PALMD: variants seen among roughly 807,000 people sequenced by gnomAD.
PALMD encodes the protein palmdelphin.
PALMD carries 42 observed loss-of-function variants against 56.2 expected under a neutral mutation model. The observed-to-expected ratio is 0.75, with a 90% CI of 0.58 to 0.97. PALMD has a LOEUF of 0.97. Among genes scored for constraint, PALMD ranks in the 50% least tolerant of loss-of-function variants. The probability of loss-of-function intolerance (pLI) is 0.00; values close to 1 mark genes in which losing one functional copy is unlikely to be tolerated. For synonymous variants in PALMD, 242 were observed against 222.9 expected (o/e 1.09, Z -0.76); for missense variants, 660 against 643.8 (o/e 1.03, Z -0.27).
At chr1:99,658,945 CAAAAA>C (rs762864867) in intron 1 of PALMD, among the ~76,000 whole-genome samples, 1 of 110,082 alleles carries the variant, frequency 9.1e-6, no homozygotes, top group African/African-American at 3.3e-5. Flanking sequence ...GACGCTGTCT[CAAAAA>C]AAAAAAAAAG....
In PALMD at chr1:99,687,294, G is replaced by A. The variant is rs1039284651; in HGVS notation, c.514+105G>A. Reference sequence around the variant, plus strand: ...ATATTATTCTTCCAGGTTAAGCAATGGTTCACTTTACAAAGTTCTGTGAGT... The same window carrying A: ...ATATTATTCTTCCAGGTTAAGCAATAGTTCACTTTACAAAGTTCTGTGAGT... On this transcript the variant is annotated intron_variant, in intron 6 of 7. Transcript: ENST00000263174. 1.8e-5 allele frequency: 23 copies of A among 1,278,422 alleles called. No homozygotes were observed. In the East Asian group the frequency reaches 3.5e-4, roughly 20 times the overall value. 79.2% of individuals were successfully genotyped at this position (1,278,422 alleles called of 1,614,324 possible).
At position 99,689,817 on chromosome 1, in the gene PALMD, T is replaced by C. The variant is rs1462824860; in HGVS notation, c.1557T>C (p.His519=). Reference sequence around the variant, plus strand: ...AAAGCTTAGGCAGCCCTGTCCACCATTCCCCATTTGATGCTCAGACAACTG... The same window carrying C: ...AAAGCTTAGGCAGCCCTGTCCACCACTCCCCATTTGATGCTCAGACAACTG... The part of the protein sequence containing the change: ...QEESLGSPVH[H]SPFDAQTTGD... The change falls in exon 7 of 8, where the codon CAT becomes CAC. Residue 519 remains histidine, a synonymous_variant. Transcript: ENST00000263174. 2 of 1,612,992 alleles carry C rather than the reference T, an allele frequency of 1.2e-6. No individual in the cohort carries two copies. Among genetic ancestry groups the C allele is most frequent in the Non-Finnish European group, 1.7e-6 (2 of 1,179,646 alleles).
At chr1:99,672,339 C>T (rs2100864940) in intron 3 of PALMD, among the ~76,000 whole-genome samples, 1 of 152,280 alleles carries the variant, frequency 6.6e-6, no homozygotes, top group African/African-American at 2.4e-5. Context: ...AATCACTTTG[C>T]TTAAATAGAG....
At chr1:99,652,477 G>A (rs1273308052) in intron 1 of PALMD, among the ~76,000 whole-genome samples, 2 of 152,018 alleles carry the variant, frequency 1.3e-5, no homozygotes, top group South Asian at 2.1e-4. Context: ...GGTGGTCTGC[G>A]CCTGTAATCC....
intron 6 of PALMD, among the ~76,000 whole-genome samples, chr1:99,688,023 T>C (rs1239502855): frequency 2.0e-5 from 3 of 152,172 alleles, no homozygotes; most frequent in African/African-American, 7.2e-5. Context: ...CTATTGAAAT[T>C]CCAGCCATAG....
At chr1:99,681,156 T>TAGAGAGAG (rs1399667607) in intron 3 of PALMD, among the ~76,000 whole-genome samples, 4 of 151,492 alleles carry the variant, frequency 2.6e-5, no homozygotes, top group African/African-American at 9.7e-5. Flanking sequence ...TATATATGTA[T>TAGAGAGAG]AGAGCCCGGA....
Position 99,683,059 on chromosome 1 carries a change from AGAG to A in PALMD, c.252-3616_252-3614del, listed in dbSNP as rs1557673814. Among the ~76,000 whole-genome samples the A allele has an allele frequency of 6.2e-4, 10 of 16,226 alleles. 1 individual carries two copies. Among genetic ancestry groups the A allele is most frequent in the African/African-American group, 1.7e-3 (3 of 1,782 alleles). 10.6% of individuals were successfully genotyped at this position (16,226 alleles called of 152,430 possible). On this transcript the variant is annotated intron_variant, in intron 3 of 7. Transcript: ENST00000263174. ...AAGAAAGAAAGAAAGAAAGAAAGAG[AGAG>A]AGAGAGAGAGAGAGAGAGAGAGAGA...
At chr1:99,649,642 G>A (rs750368001) in intron 1 of PALMD, among the ~76,000 whole-genome samples, 4 of 152,102 alleles carry the variant, frequency 2.6e-5, no homozygotes, top group African/African-American at 7.2e-5. Flanking sequence ...GTAACATTCC[G>A]TATACTCTTA....
chr1:99,689,093 C>A lies in PALMD; in HGVS notation c.833C>A (p.Thr278Asn), dbSNP rs745861118. The A allele has an allele frequency of 8.7e-6, 14 of 1,613,254 alleles. No homozygotes were observed. In the East Asian group the frequency reaches 2.2e-4, roughly 26 times the overall value. The change falls in exon 7 of 8, where the codon ACC (threonine) becomes AAC (asparagine). Residue 278 changes from threonine to asparagine, a missense_variant. Thr to Asn is a moderately conservative substitution (Grantham distance 65). Transcript: ENST00000263174. Reference protein sequence around the residue: ...RPTTPQRETVTPGPNFQERIK... With the variant: ...RPTTPQRETVNPGPNFQERIK... ...ACAACCCCACAGAGAGAAACGGTGACCCCTGGACCAAACTTTCAAGAAAGG... is the reference window on the plus strand; with the variant it reads ...ACAACCCCACAGAGAGAAACGGTGAACCCTGGACCAAACTTTCAAGAAAGG...
chr1:99,693,686 G>A (rs113755279), intron 7 of PALMD, among the ~76,000 whole-genome samples: 2 of 152,156 alleles, frequency 1.3e-5, no homozygotes, highest in African/African-American at 2.4e-5. Flanking sequence ...AGAAATGTAT[G>A]TAAAACAGTC....
chr1:99,690,305 A>G (rs1398809496), intron 7 of PALMD, among the ~76,000 whole-genome samples: 1 of 152,106 alleles, frequency 6.6e-6, no homozygotes, highest in Non-Finnish European at 1.5e-5. Context: ...TACAAGAAAC[A>G]AATTTTATTT....
chr1:99,646,428 T>C, intron 1 of PALMD, 66 bp downstream of exon 1: 2 of 1,275,630 alleles, frequency 1.6e-6, no homozygotes, highest in African/African-American at 2.9e-5. Flanking sequence ...CGTGGCCGGC[T>C]GCCCCTGTCG....
chr1:99,683,142 GA>G, intron 3 of PALMD: 1 of 123,556 alleles, frequency 8.1e-6, no homozygotes, highest in South Asian at 2.5e-4. Flanking sequence ...AAGAAAGAAA[GA>G]AAGAAAGAAA....
At chr1:99,670,291 A>C (rs1275593053) in intron 3 of PALMD, among the ~76,000 whole-genome samples, 1 of 152,246 alleles carries the variant, frequency 6.6e-6, no homozygotes, top group Non-Finnish European at 1.5e-5. Context: ...AAATGAGTTT[A>C]GTCCTTAAAT....
chr1:99,693,026 G>C (rs1275703723), intron 7 of PALMD, among the ~76,000 whole-genome samples: 1 of 152,174 alleles, frequency 6.6e-6, no homozygotes, highest in African/African-American at 2.4e-5. Flanking sequence ...TCATGGTCTT[G>C]TTACAGAATT....
chr1:99,660,850 C>G (rs963682047), intron 1 of PALMD, among the ~76,000 whole-genome samples: 5 of 152,128 alleles, frequency 3.3e-5, no homozygotes, highest in Admixed American at 1.3e-4. Flanking sequence ...TGTGCCACTG[C>G]ACTCCAGCCT....
Position 99,688,951 on chromosome 1 carries a change from A to G in PALMD, c.691A>G (p.Thr231Ala), listed in dbSNP as rs1474563426. ...SSNHSAAYNG[T>A]DGLAPVEVEE... ...TAATCACAGTGCAGCATACAATGGC[A>G]CCGATGGCCTGGCACCAGTTGAAGT... is the stretch of plus-strand genomic sequence containing the variant. Residue 231 changes from threonine (T) to alanine (A), a missense_variant, in exon 7 of 8, where the codon ACC becomes GCC. Transcript: ENST00000263174. 1 of 1,613,684 alleles carries G rather than the reference A, an allele frequency of 6.2e-7. No homozygotes were observed. Among genetic ancestry groups the G allele is most frequent in the Admixed American group, 1.7e-5 (1 of 59,994 alleles).
intron 2 of PALMD, among the ~76,000 whole-genome samples, chr1:99,666,587 C>T (rs1210381121): frequency 6.6e-6 from 1 of 151,990 alleles, no homozygotes; most frequent in African/African-American, 2.4e-5. Flanking sequence ...AATAAAGTTC[C>T]CATTCTCTCC....
At chr1:99,647,726 G>C (rs1652474616) in intron 1 of PALMD, among the ~76,000 whole-genome samples, 1 of 152,182 alleles carries the variant, frequency 6.6e-6, no homozygotes, top group Admixed American at 6.5e-5. Context: ...TACTTTATTA[G>C]ACTGCGTGAG....
Sources: gnomAD v4.1 joint callset for allele counts (sites outside exome capture counted in the v4.1 genomes callset) on GRCh38, gnomAD v4.1.1 for gene constraint, MANE v1.5 for transcripts, NCBI Gene and HGNC (gene_info 2026-07-23, HGNC 2026-07-21) for gene names.